Variants in FGG observed in about 807,000 individuals in gnomAD.
The protein encoded by FGG is fibrinogen gamma chain, also known as fibrinogen, gamma polypeptide.
In FGG, 20 loss-of-function variants were observed where a neutral mutation model predicts 51.7. The ratio of observed to expected loss-of-function variants is 0.39; its 90% CI spans 0.27 to 0.56. The LOEUF (loss-of-function observed/expected upper bound fraction) is 0.56. Among genes scored for constraint, FGG ranks in the 20% least tolerant of loss-of-function variants. The pLI is 0.64. For synonymous variants in FGG, 184 were observed against 184.7 expected, an observed-to-expected ratio of 1.00 and a Z score of 0.03; for missense variants, 460 against 534.2, an observed-to-expected ratio of 0.86 and a Z score of 1.37.
intron 8 of FGG, among the ~76,000 whole-genome samples, chr4:154,605,642 G>A (rs999140624): frequency 2.0e-5 from 3 of 152,086 alleles, no homozygotes; most frequent in Non-Finnish European, 4.4e-5. Context: ...CTGGCATGGC[G>A]CCCCGGGTCA....
intron 6 of FGG, 117 bp downstream of exon 6, chr4:154,609,513 T>A: frequency 8.1e-7 from 1 of 1,236,978 alleles, no homozygotes; most frequent in Non-Finnish European, 1.2e-6. Context: ...ACCTTCCTCT[T>A]AGGGCTATTG....
At chr4:154,608,931 AC>A (rs1731151677) in intron 6 of FGG, among the ~76,000 whole-genome samples, 1 of 152,160 alleles carries the variant, frequency 6.6e-6, no homozygotes, top group Admixed American at 6.6e-5. Flanking sequence ...TTAAAAAGAC[AC>A]CTAGACGACT....
chr4:154,610,037 C>G (rs1731176635), intron 5 of FGG, 30 bp downstream of exon 5: 1 of 1,613,038 alleles, frequency 6.2e-7, no homozygotes, highest in African/African-American at 1.3e-5. Context: ...CTTTGATGAA[C>G]CTAATCCCAA....
intron 4 of FGG, among the ~76,000 whole-genome samples, chr4:154,610,487 A>G (rs1358140676): frequency 6.6e-6 from 1 of 152,216 alleles, no homozygotes; most frequent in Non-Finnish European, 1.5e-5. Context: ...CTCAACTCCC[A>G]ACACAAATAA....
rs1205549450 is a variant in FGG, at chr4:154,612,578, A to G, written c.32T>C (p.Ile11Thr). Residue 11 changes from isoleucine (I) to threonine (T), a missense_variant, in exon 1 of 9, where the codon ATT becomes ACT. Physicochemically the swap from Ile to Thr is moderately conservative, Grantham distance 89. Coordinates refer to ENST00000336098, the MANE Select transcript of FGG (RefSeq NM_021870.3). MSWSLHPRNL[I>T]LYFYALLFLS... ...AAATAAAAGAGCATAGAAGTAGAGA[A>G]TTAAATTCCGGGGGTGCAAGGACCA... is the stretch of plus-strand genomic sequence containing the variant. 6.2e-7 allele frequency: 1 copy of G among 1,613,984 alleles called. No homozygotes were observed.
chr4:154,612,620 T>C lies in FGG; in HGVS notation c.-11A>G, dbSNP rs1331105553. ...CAAGGACCAACTCATGATGTCTGAG[T>C]GCCCGGAGCTCCGAGCCTTGTAGTG... On this transcript the variant is annotated 5_prime_UTR_variant, in exon 1 of 9. Coordinates refer to ENST00000336098, the MANE Select transcript of FGG (RefSeq NM_021870.3). The C allele has an allele frequency of 6.2e-7, 1 of 1,613,392 alleles. No individual in the cohort carries two copies. The highest frequency in any genetic ancestry group is 8.5e-7 in the Non-Finnish European group (1 of 1,179,582).
At position 154,611,836 on chromosome 4, in the gene FGG, C is replaced by T. The variant is rs1400162182; in HGVS notation, c.370G>A (p.Ala124Thr). ...CTTGAGTCATGTGTTAAAATCGATG[C>T]TTCATATTTCATAATTTCTTCTAAC... is the stretch of plus-strand genomic sequence containing the variant. ...KMLEEIMKYE[A>T]SILTHDSSIR... is the part of the protein sequence containing the mutation. Residue 124 changes from alanine to threonine, a missense_variant, in exon 4 of 9, where the codon GCA becomes ACA. By Grantham distance (58) the Ala-to-Thr change is moderately conservative. Coordinates refer to ENST00000336098, the MANE Select transcript of FGG (RefSeq NM_021870.3). 1.2e-6 allele frequency: 2 copies of T among 1,611,588 alleles called. No homozygotes were observed. The highest frequency in any genetic ancestry group is 1.1e-5 in the South Asian group (1 of 90,938).
chr4:154,608,517 G>T lies in FGG; in HGVS notation c.800C>A (p.Ala267Asp), dbSNP rs761339865. The T allele has an allele frequency of 3.7e-6, 6 of 1,613,568 alleles. No individual in the cohort carries two copies. Among genetic ancestry groups the T allele is most frequent in the Non-Finnish European group, 5.1e-6 (6 of 1,179,826 alleles). The change falls in exon 7 of 9, where the codon GCC becomes GAC. Residue 267 changes from alanine (A) to aspartate (D), a missense_variant. By Grantham distance (126) the Ala-to-Asp change is moderately radical (BLOSUM62 -2). Around this residue, in one of 3 missense-constraint regions of FGG, gnomAD observed 353 missense variants for 391.7 expected, o/e 0.90. Transcript: ENST00000336098. ...EKIHLISTQS[A>D]IPYALRVELE... ...TTCCACTCTTAATGCATATGGGATG[G>T]CAGACTGTGTGCTTATCAAATGAAT...
intron 5 of FGG, 86 bp from the exon 6 acceptor site, chr4:154,609,849 A>G: frequency 6.3e-7 from 1 of 1,585,978 alleles, no homozygotes; most frequent in South Asian, 1.1e-5. Context: ...AACATGTAGT[A>G]AACTATTCAT....
Position 154,611,859 on chromosome 4 carries a change from A to G in FGG, c.347T>C (p.Leu116Ser). The G allele has an allele frequency of 6.2e-7, 1 of 1,612,328 alleles. No homozygotes were observed. The highest frequency in any genetic ancestry group is 1.1e-5 in the South Asian group (1 of 90,998). Reference sequence around the variant, plus strand: ...TGCTTCATATTTCATAATTTCTTCTAACATTTTCCTGGACTTCAAAGTAGC... The same window carrying G: ...TGCTTCATATTTCATAATTTCTTCTGACATTTTCCTGGACTTCAAAGTAGC... ...DAATLKSRKM[L>S]EEIMKYEASI... is the part of the protein sequence containing the mutation. Residue 116 changes from leucine (L) to serine (S), a missense_variant, in exon 4 of 9, where the codon TTA (leucine) becomes TCA (serine). Coordinates refer to ENST00000336098, the MANE Select transcript of FGG (RefSeq NM_021870.3).
In FGG at chr4:154,606,749, A is replaced by T; in HGVS notation, c.1085T>A (p.Met362Lys). The change falls in exon 8 of 9, where the codon ATG becomes AAG. Residue 362 changes from methionine to lysine, a missense_variant. By Grantham distance (95) the Met-to-Lys change is moderately conservative. Coordinates refer to ENST00000336098, the MANE Select transcript of FGG (RefSeq NM_021870.3). ...GAGATGGCCAGCGTGACACTTGTTC[A>T]TCCACCAACCAGATCCATCCTGTTC... is the stretch of plus-strand genomic sequence containing the variant. ...CAEQDGSGWWMNKCHAGHLNG... is the reference protein window; with the variant it reads ...CAEQDGSGWWKNKCHAGHLNG... The T allele has an allele frequency of 6.2e-7, 1 of 1,614,008 alleles. No individual in the cohort carries two copies. Among genetic ancestry groups the T allele is most frequent in the Non-Finnish European group, 8.5e-7 (1 of 1,179,886 alleles).
Position 154,606,833 on chromosome 4 carries a change from T to A in FGG, c.1001A>T (p.Asn334Ile), listed in dbSNP as rs121913090. 10 of 1,613,972 alleles carry A rather than the reference T, an allele frequency of 6.2e-6. No individual in the cohort carries two copies. In the African/African-American group the frequency reaches 1.1e-4, roughly 17 times the overall value. ...GTCCCAGGTACTGAACTGCATGCCA[T>A]TATGGGATGTGAAAAACTTGTCACT... ...DPSDKFFTSH[N>I]GMQFSTWDND... Residue 334 changes from asparagine to isoleucine, a missense_variant, in exon 8 of 9, where the codon AAT (asparagine) becomes ATT (isoleucine). Physicochemically the swap from Asn to Ile is moderately radical, Grantham distance 149 (BLOSUM62 -3). Transcript: ENST00000336098.
At chr4:154,611,745 T>C in intron 4 of FGG, 60 bp downstream of exon 4, 2 of 1,117,308 alleles carry the variant, frequency 1.8e-6, no homozygotes, top group Non-Finnish European at 2.6e-6. Flanking sequence ...CACTCAAGTA[T>C]AGAATATTAA....
At chr4:154,611,703 A>T in intron 4 of FGG, 102 bp downstream of exon 4, 1 of 791,188 alleles carries the variant, frequency 1.3e-6, no homozygotes, top group Non-Finnish European at 2.0e-6. Context: ...CTGGGATATT[A>T]TAAATGGGGA....
At chr4:154,606,090 T>TA (rs758920477) in intron 8 of FGG, among the ~76,000 whole-genome samples, 3 of 152,230 alleles carry the variant, frequency 2.0e-5, no homozygotes, top group Non-Finnish European at 4.4e-5. Context: ...ATGGATCCTT[T>TA]AGCATCGGTA....
intron 1 of FGG, 48 bp from the exon 2 acceptor site, chr4:154,612,483 A>G (rs1560837231): frequency 1.2e-6 from 2 of 1,613,704 alleles, no homozygotes; most frequent in Middle Eastern, 1.7e-4. Context: ...TATCTGTTTT[A>G]TTTTCCAGCT....
chr4:154,604,620 A>G lies in FGG; in HGVS notation c.*214T>C, dbSNP rs1015018691. 1.6e-6 allele frequency: 2 copies of G among 1,288,934 alleles called. No individual in the cohort carries two copies. Among genetic ancestry groups the G allele is most frequent in the African/African-American group, 3.0e-5 (2 of 66,270 alleles). 79.8% of individuals were successfully genotyped at this position (1,288,934 alleles called of 1,614,324 possible). A position where few individuals can be genotyped will look rare whatever the true frequency, so the allele number is the denominator to read the frequency against. ...TTTATTATTATATATTTAGGAACAA[A>G]GTTGAAATGTTATCTCCTCAAATAA... On this transcript the variant is annotated 3_prime_UTR_variant, in exon 9 of 9. Transcript: ENST00000336098.
Position 154,606,712 on chromosome 4 carries a change from A to G in FGG, c.1122T>C (p.Tyr374=). 6.2e-7 allele frequency: 1 copy of G among 1,613,916 alleles called. No individual in the cohort carries two copies. The highest frequency in any genetic ancestry group is 8.5e-7 in the Non-Finnish European group (1 of 1,179,824). Residue 374 remains tyrosine (Y), a synonymous_variant, in exon 8 of 9, where the codon TAT becomes TAC. Transcript: ENST00000336098. ...TAAGAAAGGAAAACATACCTTGGTA[A>G]TAAACTCCATTGAGATGGCCAGCGT... The part of the protein sequence containing the change: ...KCHAGHLNGV[Y]YQGGTYSKAS...
Position 154,612,069 on chromosome 4 carries a change from G to T in FGG, c.256C>A (p.Leu86Met). The T allele has an allele frequency of 6.2e-7, 1 of 1,612,926 alleles. No homozygotes were observed. The change falls in exon 3 of 9, where the codon CTG (leucine) becomes ATG (methionine). Residue 86 changes from leucine to methionine, a missense_variant. Physicochemically the swap from Leu to Met is conservative, Grantham distance 15 (BLOSUM62 2). Around this residue, in one of 3 missense-constraint regions of FGG, gnomAD observed 353 missense variants for 391.7 expected, o/e 0.90. Coordinates refer to ENST00000336098, the MANE Select transcript of FGG (RefSeq NM_021870.3). ...VENKTSEVKQ[L>M]IKAIQLTYNP... ...TAAGTGAGTTGGATTGCTTTTATCA[G>T]CTGTTTGACTTCTGATGTTTTGTTT...
Sources: allele counts gnomAD v4.1 joint callset (sites outside exome capture counted in the v4.1 genomes callset), GRCh38; gene constraint gnomAD v4.1.1; regional missense constraint gnomAD v4.1.1; transcripts MANE v1.5; gene names NCBI Gene and HGNC (gene_info 2026-07-23, HGNC 2026-07-21).